Variants in NCALD observed in about 807,000 individuals in gnomAD.
NCALD encodes the protein neurocalcin-delta.
A neutral mutation model predicts 18.6 loss-of-function variants in NCALD; 10 were observed. The ratio of observed to expected loss-of-function variants is 0.54; its 90% CI spans 0.33 to 0.91. The LOEUF is 0.91. Ranked by LOEUF, NCALD falls within the 40% of genes least tolerant of loss-of-function variation. The pLI, the probability that NCALD is intolerant of heterozygous loss-of-function variation, is 0.03. For missense variants in NCALD, 184 were observed against 247.6 expected (o/e 0.74, Z 1.72); for synonymous variants, 88 against 87.4 (o/e 1.01, Z -0.04).
chr8:102,050,129 TCCG>T (rs1823386559), intron 1 of NCALD, among the ~76,000 whole-genome samples: 1 of 116,722 alleles, frequency 8.6e-6, no homozygotes, highest in African/African-American at 3.3e-5. Context: ...GCCACTGCAG[TCCG>T]CAGTCCGGCC....
At position 101,802,207 on chromosome 8, in the gene NCALD, A is replaced by G. The variant is rs191299561; in HGVS notation, c.-19-82559T>C. Among the ~76,000 whole-genome samples, 197 of 152,274 alleles carry G rather than the reference A, an allele frequency of 1.3e-3. 1 individual carries two copies. Among genetic ancestry groups the G allele is most frequent in the Middle Eastern group, 6.8e-3 (2 of 294 alleles). On this transcript the variant is annotated intron_variant, in intron 4 of 6. Coordinates refer to the NCALD transcript ENST00000311028. ...CAGTAATCTTTGACGTTACTTTTGT[A>G]ATTGCTTTGGGGCACCACAAACCAT...
intron 4 of NCALD, among the ~76,000 whole-genome samples, chr8:101,869,357 C>T (rs920404944): frequency 1.3e-5 from 2 of 152,060 alleles, no homozygotes; most frequent in African/African-American, 2.4e-5. Flanking sequence ...GATAAAGGGG[C>T]TCTGAGCTAA....
intron 2 of NCALD, among the ~76,000 whole-genome samples, chr8:101,988,154 C>CAAAAAAAAAAAAAAAA (rs141735735): frequency 3.0e-4 from 11 of 37,088 alleles, no homozygotes; most frequent in Non-Finnish European, 4.3e-4. Flanking sequence ...GACTCCGTCT[C>CAAAAAAAAAAAAAAAA]AAAAAAAAAA....
intron 1 of NCALD, among the ~76,000 whole-genome samples, chr8:102,105,285 T>C (rs535540621): frequency 4.9e-4 from 75 of 152,306 alleles, no homozygotes; most frequent in African/African-American, 1.7e-3. Flanking sequence ...TATCACAGTA[T>C]AAAATGAGTT....
chr8:101,805,416 T>C lies in NCALD; in HGVS notation c.-20+81725A>G, dbSNP rs1286281562. ...CAAGAGGTTGGAGACTCCCTTGTTC[T>C]ATCTATCCTCCATTCATAAGGCAGA... On this transcript the variant is annotated intron_variant, in intron 4 of 6. Coordinates refer to the NCALD transcript ENST00000311028. 2.0e-5 allele frequency among the ~76,000 whole-genome samples: 3 copies of C among 152,320 alleles called. No individual in the cohort carries two copies. The East Asian group carries it at 5.8e-4, about 29-fold the overall frequency.
At chr8:101,873,950 T>C (rs1181801794) in intron 4 of NCALD, among the ~76,000 whole-genome samples, 2 of 152,244 alleles carry the variant, frequency 1.3e-5, no homozygotes, top group Non-Finnish European at 2.9e-5. Context: ...TCTTTCAGTG[T>C]GGAGGCTAAA....
rs1198558549 is a variant in NCALD at position 101,745,076 on chromosome 8, G to A, written c.-19-25428C>T. On this transcript the variant is annotated intron_variant, in intron 1 of 3. Coordinates refer to ENST00000220931, the MANE Select transcript of NCALD (RefSeq NM_032041.3). ...GGGGACTATTCATTTCACCGAGAAC[G>A]TCCTTGATAAAGCAGTAAAAATTAA... is the stretch of plus-strand genomic sequence containing the variant. Among the ~76,000 whole-genome samples the A allele has an allele frequency of 4.0e-5, 6 of 151,512 alleles. No individual in the cohort carries two copies. The South Asian group carries it at 8.4e-4, about 21-fold the overall frequency.
chr8:101,967,625 C>T (rs986873668), intron 2 of NCALD, among the ~76,000 whole-genome samples: 21 of 152,054 alleles, frequency 1.4e-4, no homozygotes, highest in African/African-American at 4.8e-4. Context: ...CTTCCAGTGC[C>T]AGGGCCTGCC....
At chr8:101,756,467 G>A (rs1233853747) in intron 1 of NCALD, among the ~76,000 whole-genome samples, 2 of 152,180 alleles carry the variant, frequency 1.3e-5, no homozygotes, top group Non-Finnish European at 2.9e-5. Context: ...GTTCAACAGC[G>A]CCACTGTGTG....
At chr8:102,100,038 G>A (rs1268815396) in intron 1 of NCALD, among the ~76,000 whole-genome samples, 7 of 148,402 alleles carry the variant, frequency 4.7e-5, no homozygotes, top group African/African-American at 1.8e-4. Flanking sequence ...TGAAAACTAA[G>A]AGCAAAAACT....
In NCALD at chr8:102,075,794, T is replaced by C. The variant is rs377499802; in HGVS notation, c.-210+48443A>G. Reference sequence around the variant, plus strand: ...ATGGTGAAACTTTGTCTCTAAAATATACAAAAAAATTAGCCAAGCACGGGG... The same window carrying C: ...ATGGTGAAACTTTGTCTCTAAAATACACAAAAAAATTAGCCAAGCACGGGG... On this transcript the variant is annotated intron_variant, in intron 1 of 6. Transcript: ENST00000311028. Among the ~76,000 whole-genome samples the C allele has an allele frequency of 2.6e-5, 4 of 151,874 alleles. No homozygotes were observed. The East Asian group carries it at 7.7e-4, about 29-fold the overall frequency.
In NCALD at chr8:102,015,324, C is replaced by T. The variant is rs568066588; in HGVS notation, c.-157+4913G>A. Among the ~76,000 whole-genome samples the T allele has an allele frequency of 3.3e-5, 5 of 152,264 alleles. No individual in the cohort carries two copies. The East Asian group carries it at 7.7e-4, about 24-fold the overall frequency. On this transcript the variant is annotated intron_variant, in intron 2 of 6. Coordinates refer to the NCALD transcript ENST00000311028. ...AATAAAGCTATTCTATTGCAACATT[C>T]CTGCCATTGTAGCCATGTATTTCCT... is the stretch of plus-strand genomic sequence containing the variant.
chr8:101,823,689 G>C (rs905435576), intron 4 of NCALD, among the ~76,000 whole-genome samples: 6 of 152,110 alleles, frequency 3.9e-5, no homozygotes, highest in African/African-American at 1.4e-4. Flanking sequence ...AAACTATCAA[G>C]ACTATCCTCA....
chr8:102,113,413 T>A (rs1412759375), intron 1 of NCALD, among the ~76,000 whole-genome samples: 1 of 152,168 alleles, frequency 6.6e-6, no homozygotes, highest in Non-Finnish European at 1.5e-5. Flanking sequence ...TAAAAGTAGG[T>A]CTCTATCTGA....
chr8:101,742,145 T>C (rs1262481671), intron 1 of NCALD, among the ~76,000 whole-genome samples: 1 of 149,058 alleles, frequency 6.7e-6, no homozygotes, highest in East Asian at 2.0e-4. Context: ...CCCAGCTATG[T>C]GGGAGGCTGA....
intron 4 of NCALD, among the ~76,000 whole-genome samples, chr8:101,880,907 T>C (rs868762161): frequency 1.2e-4 from 19 of 152,118 alleles, no homozygotes; most frequent in African/African-American, 4.1e-4. Flanking sequence ...TGTGAAAAGA[T>C]TGATTGAAGC....
intron 4 of NCALD, among the ~76,000 whole-genome samples, chr8:101,803,664 A>C (rs2131093927): frequency 6.6e-6 from 1 of 152,318 alleles, no homozygotes; most frequent in East Asian, 1.9e-4. Flanking sequence ...CAAAATATCA[A>C]TATTAACAGG....
At chr8:101,821,881 TAAAAAAA>T (rs370878560) in intron 4 of NCALD, among the ~76,000 whole-genome samples, 15 of 116,514 alleles carry the variant, frequency 1.3e-4, no homozygotes, top group African/African-American at 3.8e-4. Context: ...GGGTTCTAAG[TAAAAAAA>T]AAAAAAAAAA....
chr8:102,103,394 G>A (rs556291161), intron 1 of NCALD, among the ~76,000 whole-genome samples: 125 of 152,122 alleles, frequency 8.2e-4, no homozygotes, highest in Middle Eastern at 3.4e-3. Context: ...AGTCCATACC[G>A]CACAGTGTTA....
Sources: gnomAD v4.1 joint callset for allele counts (sites outside exome capture counted in the v4.1 genomes callset) on GRCh38, gnomAD v4.1.1 for gene constraint, MANE v1.5 for transcripts, NCBI Gene and HGNC (gene_info 2026-07-23, HGNC 2026-07-21) for gene names.